Variants in FRY observed in about 807,000 individuals in gnomAD.
The protein encoded by FRY is FRY microtubule binding protein, also known as protein furry homolog.
Under a neutral mutation model 348.4 loss-of-function variants are expected in FRY, and 128 were observed. The ratio of observed to expected loss-of-function variants is 0.37; its 90% CI spans 0.32 to 0.43. The LOEUF (loss-of-function observed/expected upper bound fraction) is 0.43, where lower values mean the gene tolerates loss of function less well. FRY is among the 20% of genes least tolerant of loss of function. The pLI, the probability that FRY is intolerant of heterozygous loss-of-function variation, is 1.00. For synonymous variants in FRY, 1,370 were observed against 1,374.7 expected (o/e 1.00, Z 0.08); for missense variants, 2,736 against 3,695.2 (o/e 0.74, Z 6.73).
intron 56 of FRY, 25 bp from the exon 57 acceptor site, chr13:32,276,439 A>G (rs747388242): frequency 2.5e-6 from 3 of 1,215,830 alleles, no homozygotes; most frequent in Non-Finnish European, 3.7e-6. Context: ...TCTAGTTTTA[A>G]TACCAATTAT....
intron 44 of FRY, among the ~76,000 whole-genome samples, chr13:32,238,356 G>A (rs569689012): frequency 6.2e-4 from 94 of 151,052 alleles, no homozygotes; most frequent in Non-Finnish European, 6.8e-4. Flanking sequence ...TCTGCTTTTT[G>A]TTCTTCTTGG....
At position 32,267,156 on chromosome 13, in the gene FRY, T is replaced by C; in HGVS notation, c.7947-14T>C. On this transcript the variant is annotated splice_polypyrimidine_tract_variant and intron_variant, in intron 54 of 60. Transcript: ENST00000542859. Reference sequence around the variant, plus strand: ...GACATCACTTCTTGACATAGTCGTTTTCATTTTTTCCAGCTTTGGAGAAGG... The same window carrying C: ...GACATCACTTCTTGACATAGTCGTTCTCATTTTTTCCAGCTTTGGAGAAGG... 5.6e-6 allele frequency: 9 copies of C among 1,611,756 alleles called. No individual in the cohort carries two copies. Among genetic ancestry groups the C allele is most frequent in the East Asian group, 2.2e-5 (1 of 44,856 alleles).
chr13:32,147,997 G>C, intron 13 of FRY, 50 bp downstream of exon 13: 1 of 1,013,286 alleles, frequency 9.9e-7, no homozygotes, highest in Admixed American at 1.7e-5. Flanking sequence ...TTTTTCAGCA[G>C]CCAGCCTCCT....
At chr13:32,286,923 G>C (rs896719719) in intron 58 of FRY, among the ~76,000 whole-genome samples, 3 of 151,796 alleles carry the variant, frequency 2.0e-5, no homozygotes, top group Non-Finnish European at 4.4e-5. Flanking sequence ...ACTTTGGGAG[G>C]CCAAGGCGGG....
intron 16 of FRY, among the ~76,000 whole-genome samples, chr13:32,158,105 G>C (rs1433764144): frequency 6.6e-6 from 1 of 152,180 alleles, no homozygotes; most frequent in Non-Finnish European, 1.5e-5. Context: ...TTAATCTGAA[G>C]ATTGTTACCT....
intron 1 of FRY, among the ~76,000 whole-genome samples, chr13:32,049,606 G>A (rs996706537): frequency 6.6e-6 from 1 of 152,142 alleles, no homozygotes; most frequent in African/African-American, 2.4e-5. Flanking sequence ...AACCCCATAG[G>A]TTTTTAAGCA....
intron 31 of FRY, among the ~76,000 whole-genome samples, chr13:32,208,613 T>C (rs1884495498): frequency 1.3e-5 from 2 of 152,242 alleles, no homozygotes; most frequent in Admixed American, 1.3e-4. Context: ...CACTCCACTT[T>C]TACCAAGCCT....
intron 58 of FRY, among the ~76,000 whole-genome samples, chr13:32,281,117 T>C (rs1279217904): frequency 6.6e-6 from 1 of 152,192 alleles, no homozygotes; most frequent in Non-Finnish European, 1.5e-5. Context: ...ACTCAAAAAA[T>C]AGAGTTCACC....
chr13:32,289,580 T>A, intron 58 of FRY, 53 bp from the exon 59 acceptor site: 2 of 1,079,538 alleles, frequency 1.9e-6, no homozygotes, highest in Non-Finnish European at 2.9e-6. Context: ...ACTAGTTATA[T>A]GTGAATGATC....
intron 2 of FRY, among the ~76,000 whole-genome samples, chr13:32,082,746 C>G (rs984485279): frequency 6.6e-6 from 1 of 152,192 alleles, no homozygotes; most frequent in African/African-American, 2.4e-5. Context: ...GAAATTCATT[C>G]TCCCTCTGAC....
intron 1 of FRY, among the ~76,000 whole-genome samples, chr13:32,052,642 A>C (rs1873396761): frequency 6.6e-6 from 1 of 152,164 alleles, no homozygotes; most frequent in African/African-American, 2.4e-5. Flanking sequence ...AACATATTTA[A>C]ATTTGAATAC....
At chr13:32,234,851 C>A in intron 42 of FRY, 90 bp downstream of exon 42, 1 of 1,039,812 alleles carries the variant, frequency 9.6e-7, no homozygotes, top group Non-Finnish European at 1.5e-6. Flanking sequence ...CTTCTGTCAA[C>A]AATTATTCCA....
At chr13:32,286,851 A>T (rs1464860894) in intron 58 of FRY, among the ~76,000 whole-genome samples, 2 of 147,924 alleles carry the variant, frequency 1.4e-5, no homozygotes, top group African/African-American at 4.9e-5. Context: ...TATTAGTTGT[A>T]GATTACTTTT....
intron 1 of FRY, among the ~76,000 whole-genome samples, chr13:32,063,039 C>A (rs1874038176): frequency 6.6e-6 from 1 of 151,968 alleles, no homozygotes; most frequent in South Asian, 2.1e-4. Flanking sequence ...TAGTATAATG[C>A]ATATTATATT....
intron 12 of FRY, 128 bp downstream of exon 12, chr13:32,147,513 C>T: frequency 4.2e-6 from 3 of 713,236 alleles, no homozygotes; most frequent in Non-Finnish European, 7.7e-6. Flanking sequence ...AGATCTAAGT[C>T]CTAAGGAACA....
At chr13:32,171,914 G>T (rs1179200684) in intron 18 of FRY, among the ~76,000 whole-genome samples, 1 of 151,548 alleles carries the variant, frequency 6.6e-6, no homozygotes. Flanking sequence ...GGATGTGGAT[G>T]TAGGTGTGGA....
chr13:32,190,563 C>T (rs1264524605), intron 28 of FRY, among the ~76,000 whole-genome samples: 1 of 152,066 alleles, frequency 6.6e-6, no homozygotes, highest in Non-Finnish European at 1.5e-5. Context: ...CTTATAATGG[C>T]ATTTTAAAAT....
At chr13:32,259,742 T>A (rs571589479) in intron 51 of FRY, among the ~76,000 whole-genome samples, 1 of 152,366 alleles carries the variant, frequency 6.6e-6, no homozygotes, top group South Asian at 2.1e-4. Flanking sequence ...TCTTTACACA[T>A]TGGATTTTCC....
Position 32,276,524 on chromosome 13 carries a change from T to C in FRY, c.8347T>C (p.Leu2783=). 6.2e-7 allele frequency: 1 copy of C among 1,603,948 alleles called. No individual in the cohort carries two copies. The highest frequency in any genetic ancestry group is 8.5e-7 in the Non-Finnish European group (1 of 1,170,712). The change falls in exon 57 of 61, where the codon TTG becomes CTG. Residue 2783 remains leucine, a synonymous_variant. Transcript: ENST00000542859. The part of the protein sequence containing the change: ...KFSVLELQEY[L]DTYNNRKEAT... ...CAGTGTGTTAGAACTGCAAGAATAT[T>C]TGGATACCTACAACAACAGGAAAGA...
Sources: gnomAD v4.1 joint callset for allele counts (sites outside exome capture counted in the v4.1 genomes callset) on GRCh38, gnomAD v4.1.1 for gene constraint, MANE v1.5 for transcripts, NCBI Gene and HGNC (gene_info 2026-07-23, HGNC 2026-07-21) for gene names.